Variants in LDB2 observed in about 807,000 individuals in gnomAD.
The protein encoded by LDB2 is LIM domain-binding protein 2.
Under a neutral mutation model 44.3 loss-of-function variants are expected in LDB2, and 12 were observed. That is an observed-to-expected ratio of 0.27 (90% CI 0.17 to 0.44). The LOEUF is 0.44. LDB2 is among the 20% of genes least tolerant of loss of function. The pLI is 1.00. For synonymous variants in LDB2, 164 were observed against 174.8 expected (o/e 0.94, Z 0.49); for missense variants, 344 against 473.5 (o/e 0.73, Z 2.54).
intron 1 of LDB2, among the ~76,000 whole-genome samples, chr4:16,775,535 A>C (rs960641482): frequency 2.0e-5 from 3 of 152,200 alleles, no homozygotes; most frequent in Non-Finnish European, 2.9e-5. Context: ...CAGTGCCTGG[A>C]ATGCAGTAAG....
intron 1 of LDB2, among the ~76,000 whole-genome samples, chr4:16,884,965 G>A (rs765480565): frequency 1.6e-4 from 25 of 151,976 alleles, no homozygotes; most frequent in African/African-American, 3.4e-4. Flanking sequence ...GAAGTTAAGC[G>A]CTTAATGCCA....
At chr4:16,853,117 G>T (rs1162685022) in intron 1 of LDB2, among the ~76,000 whole-genome samples, 1 of 152,072 alleles carries the variant, frequency 6.6e-6, no homozygotes, top group Non-Finnish European at 1.5e-5. Context: ...GTGCTATTAT[G>T]CTACAAGAAT....
At chr4:16,585,115 G>T (rs954078934) in intron 5 of LDB2, among the ~76,000 whole-genome samples, 1 of 152,114 alleles carries the variant, frequency 6.6e-6, no homozygotes, top group African/African-American at 2.4e-5. Flanking sequence ...AGACCATCAC[G>T]CCCCAGGCCA....
intron 2 of LDB2, among the ~76,000 whole-genome samples, chr4:16,716,584 G>C (rs1235679769): frequency 2.6e-5 from 4 of 152,114 alleles, no homozygotes; most frequent in Non-Finnish European, 5.9e-5. Flanking sequence ...TCTAGAATTT[G>C]GGGGTTAGCA....
intron 2 of LDB2, among the ~76,000 whole-genome samples, chr4:16,742,678 G>A (rs1763555694): frequency 6.6e-6 from 1 of 152,038 alleles, no homozygotes; most frequent in Non-Finnish European, 1.5e-5. Context: ...AAAAAGCAGA[G>A]GACGCTCATG....
At chr4:16,776,417 G>A (rs1771915516) in intron 1 of LDB2, among the ~76,000 whole-genome samples, 1 of 152,146 alleles carries the variant, frequency 6.6e-6, no homozygotes, top group African/African-American at 2.4e-5. Context: ...CACAACCAAA[G>A]GATATAAAAG....
At chr4:16,656,056 C>T (rs978603371) in intron 2 of LDB2, among the ~76,000 whole-genome samples, 2 of 151,824 alleles carry the variant, frequency 1.3e-5, no homozygotes, top group African/African-American at 2.4e-5. Context: ...CCTGCCACCA[C>T]GCCCGGCTAA....
intron 1 of LDB2, among the ~76,000 whole-genome samples, chr4:16,789,173 T>C (rs1775161251): frequency 6.6e-6 from 1 of 152,180 alleles, no homozygotes; most frequent in African/African-American, 2.4e-5. Context: ...ATGATGCATA[T>C]GGCAGAGCCA....
chr4:16,695,298 C>T (rs191586411), intron 2 of LDB2, among the ~76,000 whole-genome samples: 99 of 152,024 alleles, frequency 6.5e-4, no homozygotes, highest in African/African-American at 1.8e-3. Context: ...GCACTTTGGG[C>T]GGTGGGCGGA....
intron 2 of LDB2, among the ~76,000 whole-genome samples, chr4:16,635,598 G>GTGTGGGGA (rs939091942): frequency 6.6e-6 from 1 of 152,136 alleles, no homozygotes; most frequent in African/African-American, 2.4e-5. Flanking sequence ...GTTGAAAGAT[G>GTGTGGGGA]TGTGGGGATG....
chr4:16,798,173 T>C (rs1277911718), intron 1 of LDB2, among the ~76,000 whole-genome samples: 2 of 152,184 alleles, frequency 1.3e-5, no homozygotes, highest in African/African-American at 4.8e-5. Context: ...TGTGTTTATA[T>C]AAATGAATAT....
intron 1 of LDB2, among the ~76,000 whole-genome samples, chr4:16,812,631 A>ATGTGTGTGTGTG (rs5856389): frequency 0.046 from 5,752 of 125,908 alleles, 210 homozygotes; most frequent in Non-Finnish European, 0.066. Context: ...TATTAAATAT[A>ATGTGTGTGTGTG]TGTGTGTGTG....
intron 1 of LDB2, among the ~76,000 whole-genome samples, chr4:16,803,323 T>C (rs892290377): frequency 2.0e-5 from 3 of 152,190 alleles, no homozygotes; most frequent in Non-Finnish European, 1.5e-5. Context: ...AAAACATTGC[T>C]GCTGTTAAGA....
chr4:16,588,300 G>A (rs1369963029), intron 4 of LDB2, among the ~76,000 whole-genome samples: 4 of 152,140 alleles, frequency 2.6e-5, no homozygotes, highest in East Asian at 1.9e-4. Flanking sequence ...CCCATGTCTC[G>A]TCAGATGGTT....
At chr4:16,891,214 TAAAAAA>T (rs551204831) in intron 1 of LDB2, among the ~76,000 whole-genome samples, 1 of 123,448 alleles carries the variant, frequency 8.1e-6, no homozygotes, top group African/African-American at 3.1e-5. Context: ...TATTTTTAAG[TAAAAAA>T]AAAAAAAACC....
chr4:16,730,963 C>T (rs919282927), intron 2 of LDB2, among the ~76,000 whole-genome samples: 5 of 152,174 alleles, frequency 3.3e-5, no homozygotes, highest in Non-Finnish European at 7.3e-5. Flanking sequence ...TTCCCCCAGG[C>T]ATTATGGCAA....
At chr4:16,515,593 C>T (rs1013093932) in intron 5 of LDB2, among the ~76,000 whole-genome samples, 2 of 152,154 alleles carry the variant, frequency 1.3e-5, no homozygotes, top group Admixed American at 6.5e-5. Context: ...AGAAGTACCA[C>T]TGCATCTATT....
chr4:16,715,690 A>T (rs1756931673), intron 2 of LDB2, among the ~76,000 whole-genome samples: 1 of 151,870 alleles, frequency 6.6e-6, no homozygotes, highest in African/African-American at 2.4e-5. Context: ...TGCTTGTGAA[A>T]TCTCTCTTTC....
chr4:16,847,123 G>A (rs887143075), intron 1 of LDB2, among the ~76,000 whole-genome samples: 17 of 152,118 alleles, frequency 1.1e-4, no homozygotes, highest in South Asian at 1.0e-3. Flanking sequence ...AAAATCCCCC[G>A]TAATTGTTTT....
Sources: gnomAD v4.1 joint callset for allele counts (sites outside exome capture counted in the v4.1 genomes callset) on GRCh38, gnomAD v4.1.1 for gene constraint, MANE v1.5 for transcripts, NCBI Gene and HGNC (gene_info 2026-07-23, HGNC 2026-07-21) for gene names.